Variants in XRCC4 observed in about 807,000 individuals in gnomAD.
XRCC4 encodes the protein DNA repair protein XRCC4.
A neutral mutation model predicts 39.1 loss-of-function variants in XRCC4; 28 were observed. The observed-to-expected ratio is 0.72, with a 90% CI of 0.53 to 0.98. XRCC4 has a LOEUF of 0.98. XRCC4 is among the 50% of genes least tolerant of loss of function. The pLI is 0.00. For synonymous variants in XRCC4, 123 were observed against 126.4 expected, an observed-to-expected ratio of 0.97 and a Z score of 0.18; for missense variants, 350 against 376.4, an observed-to-expected ratio of 0.93 and a Z score of 0.58.
chr5:83,316,773 T>C (rs939153782), intron 7 of XRCC4, among the ~76,000 whole-genome samples: 1 of 137,082 alleles, frequency 7.3e-6, no homozygotes, highest in Admixed American at 7.9e-5. Flanking sequence ...AACACCCCAC[T>C]GTCAACATTA....
At chr5:83,103,025 T>TATATATATATATATATACATAC (rs943955057) in intron 1 of XRCC4, among the ~76,000 whole-genome samples, 1 of 142,658 alleles carries the variant, frequency 7.0e-6, no homozygotes, top group African/African-American at 2.8e-5. Flanking sequence ...TATATATATA[T>TATATATATATATATATACATAC]ATATATGTCA....
intron 3 of XRCC4, among the ~76,000 whole-genome samples, chr5:83,149,414 T>C (rs917643929): frequency 4.6e-5 from 7 of 152,160 alleles, no homozygotes; most frequent in Non-Finnish European, 8.8e-5. Context: ...CATTATGTGT[T>C]ATACTTTTGT....
chr5:83,233,543 TTA>T (rs760065288), intron 6 of XRCC4, among the ~76,000 whole-genome samples: 38 of 149,830 alleles, frequency 2.5e-4, no homozygotes, highest in Admixed American at 4.0e-4. Flanking sequence ...TCTCTTGGAT[TTA>T]TATATATATA....
At chr5:83,192,464 C>T (rs763848986) in intron 3 of XRCC4, among the ~76,000 whole-genome samples, 2 of 151,650 alleles carry the variant, frequency 1.3e-5, no homozygotes, top group Non-Finnish European at 2.9e-5. Flanking sequence ...CACGCCACCA[C>T]GCCCAGCTAA....
chr5:83,314,517 G>A lies in XRCC4; in HGVS notation c.894-38614G>A, dbSNP rs137922263. Among the ~76,000 whole-genome samples the A allele has an allele frequency of 3.5e-3, 531 of 152,232 alleles. 1 individual carries two copies. The highest frequency in any genetic ancestry group is 5.6e-3 in the Non-Finnish European group (382 of 68,010). Reference sequence around the variant, plus strand: ...TAATTCATTTTATTGTGCTTCACTTGTGGCACTTTGCAGATATGGCATATT... The same window carrying A: ...TAATTCATTTTATTGTGCTTCACTTATGGCACTTTGCAGATATGGCATATT... On this transcript the variant is annotated intron_variant, in intron 7 of 7. Transcript: ENST00000396027.
chr5:83,139,672 G>A (rs1374797514), intron 3 of XRCC4, among the ~76,000 whole-genome samples: 2 of 152,092 alleles, frequency 1.3e-5, no homozygotes, highest in East Asian at 3.9e-4. Flanking sequence ...TCACACCTAG[G>A]ATATATAGTA....
chr5:83,371,928 A>G, the XRCC4 span, among the ~76,000 whole-genome samples: 1 of 152,210 alleles, frequency 6.6e-6, no homozygotes, highest in Non-Finnish European at 1.5e-5. Context: ...AAAATGTGCT[A>G]GGACAAGTAA....
chr5:83,132,857 T>C (rs1747671564), intron 3 of XRCC4, among the ~76,000 whole-genome samples: 1 of 152,110 alleles, frequency 6.6e-6, no homozygotes, highest in South Asian at 2.1e-4. Flanking sequence ...AAGTTTGTTA[T>C]GACCGATCAT....
At chr5:83,118,981 G>T (rs995587743) in intron 3 of XRCC4, among the ~76,000 whole-genome samples, 2 of 152,084 alleles carry the variant, frequency 1.3e-5, no homozygotes, top group African/African-American at 4.8e-5. Context: ...CTATATTTTA[G>T]AAGTTTTATT....
chr5:83,286,832 G>A (rs1039595062), intron 7 of XRCC4, among the ~76,000 whole-genome samples: 4 of 152,034 alleles, frequency 2.6e-5, no homozygotes, highest in African/African-American at 9.7e-5. Flanking sequence ...ACAATGGGGG[G>A]TTATTGCAAT....
At chr5:83,325,809 T>C (rs577159546) in intron 7 of XRCC4, among the ~76,000 whole-genome samples, 1 of 152,196 alleles carries the variant, frequency 6.6e-6, no homozygotes, top group South Asian at 2.1e-4. Context: ...ATTCTATTTC[T>C]TTAGATATAT....
At chr5:83,166,974 C>T (rs965403024) in intron 3 of XRCC4, among the ~76,000 whole-genome samples, 10 of 151,800 alleles carry the variant, frequency 6.6e-5, no homozygotes, top group East Asian at 1.9e-4. Context: ...ATCTGCCTCC[C>T]GGGTTCAAAC....
At chr5:83,244,254 T>C (rs372136399) in intron 6 of XRCC4, among the ~76,000 whole-genome samples, 108 of 152,308 alleles carry the variant, frequency 7.1e-4, no homozygotes, top group African/African-American at 2.5e-3. Flanking sequence ...ATGCCAGACG[T>C]TCTGATTTCT....
intron 7 of XRCC4, among the ~76,000 whole-genome samples, chr5:83,315,009 A>G (rs986226032): frequency 2.0e-5 from 3 of 152,178 alleles, no homozygotes; most frequent in African/African-American, 4.8e-5. Flanking sequence ...TTGAAAGCCA[A>G]AAGTCAAAAG....
At chr5:83,310,486 C>T (rs1755668497) in intron 7 of XRCC4, among the ~76,000 whole-genome samples, 1 of 152,144 alleles carries the variant, frequency 6.6e-6, no homozygotes, top group South Asian at 2.1e-4. Context: ...ATAATATTTT[C>T]ACATTTATTC....
At chr5:83,173,158 G>A (rs970052293) in intron 3 of XRCC4, among the ~76,000 whole-genome samples, 5 of 152,002 alleles carry the variant, frequency 3.3e-5, no homozygotes, top group Non-Finnish European at 7.4e-5. Flanking sequence ...GGCACTGTAG[G>A]GGAATTTGGG....
chr5:83,368,900 G>T, the XRCC4 span, among the ~76,000 whole-genome samples: 4 of 152,108 alleles, frequency 2.6e-5, no homozygotes, highest in Admixed American at 2.0e-4. Context: ...GTAGATGATA[G>T]GTAACAGGGA....
intron 7 of XRCC4, among the ~76,000 whole-genome samples, chr5:83,262,542 GC>G (rs1158836102): frequency 4.6e-5 from 7 of 151,950 alleles, no homozygotes; most frequent in African/African-American, 1.7e-4. Flanking sequence ...ACTCTGCAAA[GC>G]TTTTAGAGAC....
rs564318584 is a variant in XRCC4 at position 83,130,026 on chromosome 5, G to A, written c.315+18823G>A. Among the ~76,000 whole-genome samples the A allele has an allele frequency of 2.0e-5, 3 of 152,078 alleles. No individual in the cohort carries two copies. In the South Asian group the frequency reaches 6.2e-4, roughly 32 times the overall value. On this transcript the variant is annotated intron_variant, in intron 3 of 7. Coordinates refer to ENST00000396027, the MANE Select transcript of XRCC4 (RefSeq NM_003401.5). Reference sequence around the variant, plus strand: ...TGTGTTGAATAGGGGTGGTAAGAGAGGGCATCCCTGTCTTGTGCCAGTTTT... The same window carrying A: ...TGTGTTGAATAGGGGTGGTAAGAGAAGGCATCCCTGTCTTGTGCCAGTTTT...
Sources: gnomAD v4.1 joint callset for allele counts (sites outside exome capture counted in the v4.1 genomes callset) on GRCh38, gnomAD v4.1.1 for gene constraint, MANE v1.5 for transcripts, NCBI Gene and HGNC (gene_info 2026-07-23, HGNC 2026-07-21) for gene names.